The following MCRIP1 variants were observed in gnomAD, a reference collection of about 807,000 sequenced individuals.
MCRIP1 encodes mapk-regulated corepressor-interacting protein 1.
MCRIP1 carries 10 observed loss-of-function variants against 14.4 expected under a neutral mutation model. The ratio of observed to expected loss-of-function variants is 0.70; its 90% CI spans 0.43 to 1.18. MCRIP1 has a LOEUF of 1.18. MCRIP1 is among the 50% of genes most tolerant of loss of function. The pLI is 0.00. For synonymous variants in MCRIP1, 53 were observed against 55.7 expected, an observed-to-expected ratio of 0.95 and a Z score of 0.21; for missense variants, 119 against 135.4, an observed-to-expected ratio of 0.88 and a Z score of 0.60.
At chr17:81,826,817 CAAA>C (rs1169330913) in intron 1 of MCRIP1, among the ~76,000 whole-genome samples, 1 of 47,036 alleles carries the variant, frequency 2.1e-5, no homozygotes. Context: ...GACTCCATCT[CAAA>C]AAAAAAAAAA....
chr17:81,825,083 C>T (rs926499571), intron 1 of MCRIP1: 15 of 1,013,460 alleles, frequency 1.5e-5, no homozygotes, highest in African/African-American at 5.2e-5. Context: ...CCCAGCTCCC[C>T]GGCACCTACC....
chr17:81,830,865 A>T (rs907014139), intron 1 of MCRIP1, among the ~76,000 whole-genome samples: 1 of 151,464 alleles, frequency 6.6e-6, no homozygotes, highest in African/African-American at 2.4e-5. Flanking sequence ...GCTACTAAAA[A>T]AAAAAAATAC....
At chr17:81,825,119 A>C in intron 1 of MCRIP1, 1 of 1,016,000 alleles carries the variant, frequency 9.8e-7, no homozygotes, top group Non-Finnish European at 1.2e-6. Flanking sequence ...GGTTCCCTAG[A>C]GCATGAGCCA....
At chr17:81,827,022 G>T (rs1242746155) in intron 1 of MCRIP1, among the ~76,000 whole-genome samples, 2 of 148,736 alleles carry the variant, frequency 1.3e-5, no homozygotes, top group African/African-American at 5.0e-5. Flanking sequence ...GGAGGCTGAG[G>T]CAGGAGAAGT....
chr17:81,824,343 C>T lies in MCRIP1; in HGVS notation c.71G>A (p.Ser24Asn). ...GGCTGGGGTGAAGATCTCGCTGCTG[C>T]TGGGTGGGGAGCGGGGGCTGCTGGT... The part of the protein sequence containing the change: ...KRTSSPRSPP[S>N]SSEIFTPAHE... Residue 24 changes from serine to asparagine, a missense_variant, in exon 3 of 5, where the codon AGC becomes AAC. Physicochemically the swap from Ser to Asn is conservative, Grantham distance 46 (BLOSUM62 1). Transcript: ENST00000455127. The T allele has an allele frequency of 6.5e-7, 1 of 1,530,618 alleles. No individual in the cohort carries two copies. Among genetic ancestry groups the T allele is most frequent in the Non-Finnish European group, 8.7e-7 (1 of 1,144,298 alleles). 94.8% of individuals were successfully genotyped at this position (1,530,618 alleles called of 1,614,324 possible).
rs139239506 is a variant in MCRIP1, at chr17:81,825,532, G to A, written c.-48-978C>T. On this transcript the variant is annotated intron_variant, in intron 1 of 4. Coordinates refer to ENST00000455127, the MANE Select transcript of MCRIP1 (RefSeq NM_207368.5). ...AGGCTGCAGATACTCCAGGGCACACGGCTGCAGCCCTCACAGAGGGCCAGG... is the reference window on the plus strand; with the variant it reads ...AGGCTGCAGATACTCCAGGGCACACAGCTGCAGCCCTCACAGAGGGCCAGG... 12,625 of 1,275,048 alleles carry A rather than the reference G, an allele frequency of 9.9e-3. 93 individuals are homozygous for A. Among genetic ancestry groups the A allele is most frequent in the Non-Finnish European group, 0.012 (11,645 of 980,762 alleles). The allele number at this position is 1,275,048 out of a possible 1,614,324, so 79.0% of individuals were successfully genotyped here.
chr17:81,823,774 C>G lies in MCRIP1; in HGVS notation c.128-261G>C. ...GGGACCCCTATGACCCTACCCCAGG[C>G]TTCCCTGCGCCTCGGAGGCAGCGCA... On this transcript the variant is annotated intron_variant, in intron 3 of 4. Coordinates refer to ENST00000455127, the MANE Select transcript of MCRIP1 (RefSeq NM_207368.5). This position sits in a 1 kb window ranked among gnomAD's most constrained non-coding sequence, Gnocchi z 6.0. The G allele has an allele frequency of 1.7e-6, 1 of 587,372 alleles. No homozygotes were observed. Among genetic ancestry groups the G allele is most frequent in the Non-Finnish European group, 3.0e-6 (1 of 330,286 alleles). The allele number at this position is 587,372 out of a possible 1,614,324, so 36.4% of individuals were successfully genotyped here. A position where few individuals can be genotyped will look rare whatever the true frequency, so the allele number is the denominator to read the frequency against.
At chr17:81,826,209 T>C in intron 1 of MCRIP1, 1 of 1,519,378 alleles carries the variant, frequency 6.6e-7, no homozygotes, top group Non-Finnish European at 8.8e-7. Context: ...CTTCCGGGGC[T>C]CCCTTTGCCT....
At chr17:81,831,122 A>C (rs1195061088) in intron 1 of MCRIP1, among the ~76,000 whole-genome samples, 1 of 147,606 alleles carries the variant, frequency 6.8e-6, no homozygotes, top group Non-Finnish European at 1.5e-5. Flanking sequence ...CAGTGAGCCG[A>C]GATTGTGCCA....
intron 1 of MCRIP1, among the ~76,000 whole-genome samples, chr17:81,828,523 G>A (rs896277651): frequency 6.6e-6 from 1 of 152,122 alleles, no homozygotes; most frequent in Admixed American, 6.6e-5. Flanking sequence ...CCCAAGATGC[G>A]TACAAGGACA....
chr17:81,827,776 A>AT (rs757592037), intron 1 of MCRIP1, among the ~76,000 whole-genome samples: 1,179 of 110,764 alleles, frequency 0.011, 19 homozygotes, highest in African/African-American at 0.017. Context: ...GCACCCATAC[A>AT]TTTTTTTTTT....
intron 1 of MCRIP1, 36 bp from the exon 2 acceptor site, chr17:81,824,590 G>C: frequency 6.5e-7 from 1 of 1,535,706 alleles, no homozygotes; most frequent in South Asian, 1.2e-5. Flanking sequence ...GGGACGCAGG[G>C]CCACCCTCTC....
chr17:81,829,190 C>T (rs918233673), intron 1 of MCRIP1, among the ~76,000 whole-genome samples: 1 of 150,246 alleles, frequency 6.7e-6, no homozygotes, highest in Non-Finnish European at 1.5e-5. Context: ...CCTGAGCCAG[C>T]AGGAGACTGA....
chr17:81,828,105 C>T (rs1462844564), intron 1 of MCRIP1, among the ~76,000 whole-genome samples: 1 of 152,064 alleles, frequency 6.6e-6, no homozygotes, highest in Non-Finnish European at 1.5e-5. Flanking sequence ...TTTAAGTCAA[C>T]AAGGAGTCTC....
chr17:81,827,080 T>C (rs1262272102), intron 1 of MCRIP1, among the ~76,000 whole-genome samples: 4 of 142,024 alleles, frequency 2.8e-5, no homozygotes, highest in East Asian at 2.2e-4. Flanking sequence ...ATCGTGCCAC[T>C]GCACTCCAGC....
chr17:81,826,076 G>A, intron 1 of MCRIP1: 1 of 1,465,980 alleles, frequency 6.8e-7, no homozygotes, highest in Non-Finnish European at 9.1e-7. Flanking sequence ...TGCATCCTCT[G>A]CCTCCAGTGG....
chr17:81,833,147 C>A (rs2143275424), intron 1 of MCRIP1, 91 bp downstream of exon 1: 1 of 146,796 alleles, frequency 6.8e-6, no homozygotes, highest in African/African-American at 2.4e-5. Flanking sequence ...CTGCAGGGCA[C>A]CCGCGGCCGC....
At chr17:81,826,696 G>C (rs912252205) in intron 1 of MCRIP1, 1 of 333,600 alleles carries the variant, frequency 3.0e-6, no homozygotes. Context: ...GCAGGCACCC[G>C]TAATCCCAGC....
intron 1 of MCRIP1, among the ~76,000 whole-genome samples, chr17:81,831,402 CAAA>C (rs577541495): frequency 1.2e-3 from 82 of 67,798 alleles, no homozygotes; most frequent in African/African-American, 3.1e-3. Flanking sequence ...TCTCTGCCCT[CAAA>C]AAAAAAAAAA....
Sources: allele counts gnomAD v4.1 joint callset (sites outside exome capture counted in the v4.1 genomes callset), GRCh38; gene constraint gnomAD v4.1.1; non-coding constraint Gnocchi (gnomAD v3.1); transcripts MANE v1.5; gene names NCBI Gene and HGNC (gene_info 2026-07-23, HGNC 2026-07-21).